IGFL2: variants seen among roughly 807,000 people sequenced by gnomAD.
The protein encoded by IGFL2 is IGF like family member 2, also known as insulin growth factor-like family member 2.
In IGFL2, 7 loss-of-function variants were observed where a neutral mutation model predicts 13.9. The observed-to-expected ratio is 0.51, with a 90% CI of 0.29 to 0.95. The LOEUF is 0.95. IGFL2 is among the 40% of genes least tolerant of loss of function. IGFL2 has a pLI of 0.08. For synonymous variants in IGFL2, 55 were observed against 55.8 expected, an observed-to-expected ratio of 0.99 and a Z score of 0.07; for missense variants, 138 against 147.8, an observed-to-expected ratio of 0.93 and a Z score of 0.34.
the IGFL2 span, among the ~76,000 whole-genome samples, chr19:46,088,178 T>C: frequency 1.3e-5 from 2 of 152,248 alleles, no homozygotes; most frequent in Non-Finnish European, 2.9e-5. Flanking sequence ...TGAATTCTAA[T>C]GTCCTCTTTC....
chr19:46,211,965 C>T, the IGFL2 span, among the ~76,000 whole-genome samples: 4 of 152,080 alleles, frequency 2.6e-5, no homozygotes, highest in South Asian at 2.1e-4. Flanking sequence ...TCTACCATTA[C>T]GTGGAATACA....
the IGFL2 span, among the ~76,000 whole-genome samples, chr19:46,168,940 A>ATG: frequency 1.4e-5 from 2 of 140,688 alleles, no homozygotes. Flanking sequence ...GTGTGTGTGT[A>ATG]TGTGTATGTG....
At chr19:46,099,409 A>C in the IGFL2 span, among the ~76,000 whole-genome samples, 1 of 150,576 alleles carries the variant, frequency 6.6e-6, no homozygotes, top group East Asian at 2.0e-4. Context: ...GATAGCCTGA[A>C]GTGTGTTTTT....
chr19:46,174,490 A>G, the IGFL2 span, among the ~76,000 whole-genome samples: 1 of 152,174 alleles, frequency 6.6e-6, no homozygotes. Context: ...AGTGGCTGGT[A>G]ACACCCTCAG....
intron 1 of IGFL2, among the ~76,000 whole-genome samples, chr19:46,157,821 A>C (rs553420642): frequency 1.3e-5 from 2 of 152,324 alleles, no homozygotes; most frequent in East Asian, 3.9e-4. Flanking sequence ...ATTTATACAG[A>C]TTGGAAAGGA....
chr19:46,092,165 TG>T, the IGFL2 span, among the ~76,000 whole-genome samples: 4 of 148,042 alleles, frequency 2.7e-5, no homozygotes, highest in Non-Finnish European at 6.1e-5. Context: ...AACTTTGTGT[TG>T]TTGTTTGTTA....
chr19:46,124,216 CTT>C, the IGFL2 span: 2 of 1,609,224 alleles, frequency 1.2e-6, no homozygotes, highest in Non-Finnish European at 1.7e-6. Context: ...TTCCCAGTCT[CTT>C]TTCCCAACAC....
At chr19:46,158,239 A>G (rs1973929573) in intron 1 of IGFL2, among the ~76,000 whole-genome samples, 2 of 151,994 alleles carry the variant, frequency 1.3e-5, no homozygotes. Flanking sequence ...ACAGAGTGTC[A>G]CTCTGTCACC....
the IGFL2 span, among the ~76,000 whole-genome samples, chr19:46,215,197 A>G: frequency 3.9e-5 from 6 of 152,202 alleles, no homozygotes; most frequent in East Asian, 7.7e-4. Flanking sequence ...TATATTTATT[A>G]TAAAAGTGTA....
chr19:46,108,025 G>A, the IGFL2 span, among the ~76,000 whole-genome samples: 14 of 152,322 alleles, frequency 9.2e-5, no homozygotes, highest in South Asian at 2.3e-3. Flanking sequence ...GGCTAGTTGC[G>A]GTACAAAACT....
chr19:46,116,347 G>A, the IGFL2 span, among the ~76,000 whole-genome samples: 3 of 152,110 alleles, frequency 2.0e-5, no homozygotes, highest in Admixed American at 6.5e-5. Flanking sequence ...GTGGTTTTCT[G>A]TAAAAATGCT....
the IGFL2 span, chr19:46,112,002 T>C: frequency 6.6e-6 from 1 of 152,214 alleles, no homozygotes; most frequent in African/African-American, 2.4e-5. Context: ...TCCTGTTGCA[T>C]TCAAAACTGC....
chr19:46,140,712 G>T (rs1568417635), upstream of IGFL2, among the ~76,000 whole-genome samples: 1 of 152,198 alleles, frequency 6.6e-6, no homozygotes, highest in Non-Finnish European at 1.5e-5. Context: ...TACTGCAACA[G>T]AAACCCATGA....
At chr19:46,138,977 C>T (rs1489442300), upstream of IGFL2, among the ~76,000 whole-genome samples, 3 of 151,858 alleles carry the variant, frequency 2.0e-5, no homozygotes, top group Admixed American at 6.6e-5. Context: ...AGTCCTGTCC[C>T]TGCCAACTCT....
At chr19:46,082,352 G>C in the IGFL2 span, among the ~76,000 whole-genome samples, 5 of 152,220 alleles carry the variant, frequency 3.3e-5, no homozygotes, top group Non-Finnish European at 5.9e-5. Context: ...AAAGAGGGTA[G>C]CCTTTTGGGG....
the IGFL2 span, chr19:46,173,610 C>G: frequency 6.6e-6 from 1 of 152,186 alleles, no homozygotes; most frequent in African/African-American, 2.4e-5. Flanking sequence ...GTCACCAGCT[C>G]TTGCACAAAG....
chr19:46,147,278 A>G (rs1290397145), upstream of IGFL2, among the ~76,000 whole-genome samples: 1 of 152,158 alleles, frequency 6.6e-6, no homozygotes, highest in African/African-American at 2.4e-5. Context: ...TTCCAAGACA[A>G]AGTACCTCAG....
the IGFL2 span, among the ~76,000 whole-genome samples, chr19:46,137,874 A>G: frequency 1.3e-5 from 2 of 152,174 alleles, no homozygotes; most frequent in Non-Finnish European, 2.9e-5. Flanking sequence ...TGTGAGATCT[A>G]TTTGGTCCTT....
the IGFL2 span, among the ~76,000 whole-genome samples, chr19:46,176,009 ATTTTTTTTTTTT>A: frequency 1.4e-5 from 1 of 71,894 alleles, no homozygotes; most frequent in Non-Finnish European, 2.5e-5. Flanking sequence ...CGCCCGACTA[ATTTTTTTTTTTT>A]TTTTTTTTTT....
Sources: allele counts gnomAD v4.1 joint callset (sites outside exome capture counted in the v4.1 genomes callset), GRCh38; gene constraint gnomAD v4.1.1; transcripts MANE v1.5; gene names NCBI Gene and HGNC (gene_info 2026-07-23, HGNC 2026-07-21).